Variants in MYH14 observed in about 807,000 individuals in gnomAD.
MYH14 encodes myosin heavy chain 14, also known as myosin-14.
In MYH14, 123 loss-of-function variants were observed where a neutral mutation model predicts 255.5. That is an observed-to-expected ratio of 0.48 (90% CI 0.42 to 0.56). The LOEUF is 0.56. Ranked by LOEUF, MYH14 falls within the 20% of genes least tolerant of loss-of-function variation. MYH14 has a pLI of 0.00. For missense variants in MYH14, 2,423 were observed against 2,802.3 expected (o/e 0.86, Z 3.06); for synonymous variants, 1,095 against 1,161.2 (o/e 0.94, Z 1.16).
intron 33 of MYH14, 62 bp downstream of exon 33, chr19:50,281,904 G>T: frequency 6.5e-7 from 1 of 1,548,384 alleles, no homozygotes; most frequent in Non-Finnish European, 8.8e-7. Flanking sequence ...TCCCATGGTC[G>T]TTGTGAGGAA....
At position 50,208,309 on chromosome 19, in the gene MYH14, G is replaced by A. The variant is rs144198537; in HGVS notation, c.-3-2054G>A. ...ATGCGCCTGTAATCCCAGCTACTTG[G>A]GAGGCTGAGGCAGGAGAATCTCTTG... On this transcript the variant is annotated intron_variant, in intron 1 of 42. Transcript: ENST00000642316. 7.4e-4 allele frequency among the ~76,000 whole-genome samples: 112 copies of A among 152,260 alleles called. 3 individuals carry two copies. In the East Asian group the frequency reaches 0.021, roughly 29 times the overall value.
intron 33 of MYH14, 120 bp downstream of exon 33, chr19:50,281,962 A>T: frequency 9.4e-7 from 1 of 1,064,692 alleles, no homozygotes; most frequent in Non-Finnish European, 1.4e-6. Flanking sequence ...GTAGTGGACC[A>T]GGAAGCAAGA....
chr19:50,284,813 A>G (rs2123432510), intron 33 of MYH14: 2 of 152,144 alleles, frequency 1.3e-5, no homozygotes, highest in East Asian at 3.9e-4. Flanking sequence ...GTGAATATAA[A>G]TATCCAAGTA....
Position 50,224,071 on chromosome 19 carries a change from G to A in MYH14, c.694-83G>A. The A allele has an allele frequency of 3.3e-5, 23 of 687,944 alleles. No individual in the cohort carries two copies. The South Asian group carries it at 4.0e-4, about 12-fold the overall frequency. The allele number at this position is 687,944 out of a possible 1,614,324, so 42.6% of individuals were successfully genotyped here. A position where few individuals can be genotyped will look rare whatever the true frequency, so the allele number is the denominator to read the frequency against. ...TCCCCCACCCCCCATGCCACCACCT[G>A]AGATCACTGGTTCACCTGTGTGTCT... is the stretch of plus-strand genomic sequence containing the variant. On this transcript the variant is annotated intron_variant, in intron 5 of 42. Transcript: ENST00000642316.
chr19:50,224,230 C>T, intron 6 of MYH14, 53 bp downstream of exon 6: 1 of 1,612,826 alleles, frequency 6.2e-7, no homozygotes, highest in South Asian at 1.1e-5. Context: ...CCTTCCCGGC[C>T]ACCCAATGCA....
chr19:50,258,741 A>ACAAAAAAAAAC (rs1555767773), intron 18 of MYH14: 3 of 145,556 alleles, frequency 2.1e-5, no homozygotes, highest in African/African-American at 8.5e-5. Context: ...AAAAAAAAAA[A>ACAAAAAAAAAC]AAACGAACAA....
Position 50,230,666 on chromosome 19 carries a change from G to T in MYH14, c.973+43G>T. On this transcript the variant is annotated intron_variant, in intron 9 of 42. Coordinates refer to ENST00000642316, the MANE Select transcript of MYH14 (RefSeq NM_001145809.2). The surrounding 1 kb of genome is among the most constrained non-coding windows in gnomAD (Gnocchi z 4.7). The stretch of plus-strand genomic sequence containing the variant: ...CTACCCTGCTCACCCGGGAGAGGGT[G>T]GGCACCATGTCTCTCGGGGGCCCCT... The T allele has an allele frequency of 1.3e-6, 2 of 1,520,512 alleles. No individual in the cohort carries two copies. Among genetic ancestry groups the T allele is most frequent in the Non-Finnish European group, 1.8e-6 (2 of 1,120,884 alleles). The allele number at this position is 1,520,512 out of a possible 1,614,324, so 94.2% of individuals were successfully genotyped here.
At chr19:50,205,944 T>C (rs909331838) in intron 1 of MYH14, among the ~76,000 whole-genome samples, 1 of 152,172 alleles carries the variant, frequency 6.6e-6, no homozygotes, top group African/African-American at 2.4e-5. Flanking sequence ...GGCGGATCCC[T>C]GGCTGCTTTT....
rs1347836676 is a variant in MYH14 at position 50,207,259 on chromosome 19, GAGAGAGAGAGAC to G, written c.-3-3092_-3-3081del. Among the ~76,000 whole-genome samples the G allele has an allele frequency of 2.7e-3, 350 of 130,292 alleles. 3 individuals carry two copies. Among genetic ancestry groups the G allele is most frequent in the East Asian group, 0.026 (71 of 2,784 alleles). 85.5% of individuals were successfully genotyped at this position (130,292 alleles called of 152,430 possible). ...AAAAAGAGAGAGAGAGAGAGAGAAA[GAGAGAGAGAGAC>G]AGAGAGAGAGAGAGAGAGAGAGAGA... On this transcript the variant is annotated intron_variant, in intron 1 of 42. Transcript: ENST00000642316.
At chr19:50,243,504 C>G (rs654609) in intron 10 of MYH14, among the ~76,000 whole-genome samples, 135 of 152,170 alleles carry the variant, frequency 8.9e-4, no homozygotes, top group African/African-American at 3.0e-3. Context: ...GGTACACACC[C>G]GTGGTCTCAG....
rs756008272 is a variant in MYH14, at chr19:50,223,245, A to G, written c.591-2A>G. On this transcript the variant is annotated splice_acceptor_variant, in intron 4 of 42. Transcript: ENST00000642316. LOFTEE classifies it high-confidence loss of function. ...CTTTGCTTCCCCTTGTCATCCCCAC[A>G]GTGGAGAGTCTGGAGCTGGGAAGAC... 1.2e-6 allele frequency: 2 copies of G among 1,613,538 alleles called. No individual in the cohort carries two copies. The highest frequency in any genetic ancestry group is 1.7e-6 in the Non-Finnish European group (2 of 1,179,602).
At position 50,248,803 on chromosome 19, in the gene MYH14, C is replaced by T. The variant is rs547605867; in HGVS notation, c.1330-184C>T. 7.2e-5 allele frequency among the ~76,000 whole-genome samples: 11 copies of T among 152,342 alleles called. No homozygotes were observed. In the East Asian group the frequency reaches 9.6e-4, roughly 13 times the overall value. ...CGAGCCCGTCATGTAGTACCTGGTG[C>T]GCAGTAGGACTTCAGGAATGTCTGC... On this transcript the variant is annotated intron_variant, in intron 12 of 42. Coordinates refer to ENST00000642316, the MANE Select transcript of MYH14 (RefSeq NM_001145809.2).
rs1479377825 is a variant in MYH14 at position 50,268,308 on chromosome 19, G to T, written c.2974G>T (p.Glu992Ter). 6.3e-7 allele frequency: 1 copy of T among 1,588,928 alleles called. No individual in the cohort carries two copies. Among genetic ancestry groups the T allele is most frequent in the Non-Finnish European group, 8.6e-7 (1 of 1,168,968 alleles). Reference sequence around the variant, plus strand: ...AGAGCTGGAGGCTCGCGTGGGCGAGGAGGAGGAGTGCAGCCGTCAAATGCA... The same window carrying T: ...AGAGCTGGAGGCTCGCGTGGGCGAGTAGGAGGAGTGCAGCCGTCAAATGCA... ...VSELEARVGE[E>*]EECSRQMQTE... Residue 992 changes from glutamate to a stop codon, truncating the protein, a stop_gained, in exon 24 of 43, where the codon GAG becomes TAG. Coordinates refer to ENST00000642316, the MANE Select transcript of MYH14 (RefSeq NM_001145809.2). LOFTEE classifies it high-confidence loss of function.
intron 19 of MYH14, 106 bp downstream of exon 19, chr19:50,259,371 C>A (rs1271290547): frequency 1.4e-6 from 2 of 1,425,192 alleles, no homozygotes; most frequent in Non-Finnish European, 1.9e-6. Flanking sequence ...GTTCCTTCTG[C>A]GCTGGGGAAG....
chr19:50,248,637 A>G (rs1393146523), intron 12 of MYH14, among the ~76,000 whole-genome samples: 1 of 152,106 alleles, frequency 6.6e-6, no homozygotes, highest in Non-Finnish European at 1.5e-5. Context: ...GTTTATTCAC[A>G]TGCCTGAAAT....
intron 10 of MYH14, among the ~76,000 whole-genome samples, chr19:50,238,775 C>T (rs1195972852): frequency 3.3e-5 from 5 of 152,076 alleles, no homozygotes; most frequent in Admixed American, 2.6e-4. Flanking sequence ...TTAATCACAT[C>T]TGCAAAGTCC....
At chr19:50,281,496 G>A (rs960648776) in intron 32 of MYH14, 98 bp from the exon 33 acceptor site, 2 of 1,496,678 alleles carry the variant, frequency 1.3e-6, no homozygotes, top group African/African-American at 2.8e-5. Flanking sequence ...TCCCTCTTCA[G>A]GCCTCAGTCT....
chr19:50,307,821 GTCTGTCTGGA>G (rs2036704748), intron 41 of MYH14, among the ~76,000 whole-genome samples: 1 of 152,164 alleles, frequency 6.6e-6, no homozygotes, highest in Non-Finnish European at 1.5e-5. Flanking sequence ...CAGATCCCAG[GTCTGTCTGGA>G]CAGAGTCCCT....
rs1240948827 is a variant in MYH14 at position 50,271,887 on chromosome 19, A to C, written c.3210A>C (p.Ser1070=). The part of the protein sequence containing the change: ...KLLEDRLAEF[S]SQAAEEEEKV... ...TGGAAGATCGTCTGGCCGAGTTCTC[A>C]TCCCAGGCAGCTGAGGAGGAGGAGA... The change falls in exon 26 of 43, where the codon TCA becomes TCC. Residue 1070 remains serine (S), a synonymous_variant. Transcript: ENST00000642316. 3.1e-6 allele frequency: 5 copies of C among 1,613,382 alleles called. No homozygotes were observed. The highest frequency in any genetic ancestry group is 4.2e-6 in the Non-Finnish European group (5 of 1,179,824).
Sources: gnomAD v4.1 joint callset for allele counts (sites outside exome capture counted in the v4.1 genomes callset) on GRCh38, gnomAD v4.1.1 for gene constraint, Gnocchi (gnomAD v3.1) non-coding constraint, MANE v1.5 for transcripts, NCBI Gene and HGNC (gene_info 2026-07-23, HGNC 2026-07-21) for gene names.